POTEC: variants seen among roughly 807,000 people sequenced by gnomAD.
POTEC encodes the protein ANKRD26-like family B member 2.
POTEC carries 35 observed loss-of-function variants against 62.0 expected under a neutral mutation model. The ratio of observed to expected loss-of-function variants is 0.56; its 90% CI spans 0.43 to 0.75. The LOEUF is 0.75. POTEC is among the 30% of genes least tolerant of loss of function. The pLI is 0.00. For synonymous variants in POTEC, 156 were observed against 221.5 expected (o/e 0.70, Z 2.62); for missense variants, 472 against 655.9 (o/e 0.72, Z 3.06).
In POTEC at chr18:14,523,454, A is replaced by C; in HGVS notation, c.1242+9T>G. 6.4e-7 allele frequency: 1 copy of C among 1,566,494 alleles called. No individual in the cohort carries two copies. Among genetic ancestry groups the C allele is most frequent in the Non-Finnish European group, 8.6e-7 (1 of 1,156,150 alleles). ...AATTCAACAGAAACATTTGAACATAAAGGTATACCTCTCTATCACAGTCCT... is the reference window on the plus strand; with the variant it reads ...AATTCAACAGAAACATTTGAACATACAGGTATACCTCTCTATCACAGTCCT... On this transcript the variant is annotated intron_variant, in intron 8 of 10. Transcript: ENST00000358970.
chr18:14,540,237 T>A (rs1387507723), intron 1 of POTEC, among the ~76,000 whole-genome samples: 1 of 152,126 alleles, frequency 6.6e-6, no homozygotes, highest in Non-Finnish European at 1.5e-5. Flanking sequence ...AAGATAGCCA[T>A]CCACAGGTAT....
At chr18:14,513,834 G>T in intron 9 of POTEC, 49 bp from the exon 10 acceptor site, 1 of 1,600,176 alleles carries the variant, frequency 6.2e-7, no homozygotes. Context: ...TCCCTAAAAT[G>T]ATCTACAGGG....
rs762574836 is a variant in POTEC at position 14,543,056 on chromosome 18, G to T, written c.91C>A (p.Arg31Ser). 6.2e-7 allele frequency: 1 copy of T among 1,605,516 alleles called. No homozygotes were observed. ...RSKMGKWFHH[R>S]FPCCKGSGKS... Reference sequence around the variant, plus strand: ...CCGCTCCCCTTGCAGCAGGGGAAGCGGTGGTGAAACCACTTGCCCATCTTG... The same window carrying T: ...CCGCTCCCCTTGCAGCAGGGGAAGCTGTGGTGAAACCACTTGCCCATCTTG... The change falls in exon 1 of 11, where the codon CGC (arginine) becomes AGC (serine). Residue 31 changes from arginine (R) to serine (S), a missense_variant. Physicochemically the swap from Arg to Ser is moderately radical, Grantham distance 110. Coordinates refer to ENST00000358970, the MANE Select transcript of POTEC (RefSeq NM_001137671.2).
At chr18:14,514,039 A>G (rs28580767) in intron 9 of POTEC, among the ~76,000 whole-genome samples, 1 of 150,722 alleles carries the variant, frequency 6.6e-6, no homozygotes, top group South Asian at 2.1e-4. Flanking sequence ...CATTACATAC[A>G]TTGTGCACTT....
At position 14,510,736 on chromosome 18, in the gene POTEC, G is replaced by C. The variant is rs1329840462; in HGVS notation, c.*1162C>G. ...TGCCTAGTAAGGAGGAACAGGAATA[G>C]GGACTTGTTTAAAAAAGAAGTCTGG... is the stretch of plus-strand genomic sequence containing the variant. On this transcript the variant is annotated 3_prime_UTR_variant, in exon 11 of 11. Transcript: ENST00000358970. 6.6e-6 allele frequency: 1 copy of C among 152,186 alleles called. No homozygotes were observed. Among genetic ancestry groups the C allele is most frequent in the Non-Finnish European group, 1.5e-5 (1 of 68,060 alleles). 9.4% of individuals were successfully genotyped at this position (152,186 alleles called of 1,614,324 possible). A position where few individuals can be genotyped will look rare whatever the true frequency, so the allele number is the denominator to read the frequency against.
At chr18:14,519,969 C>T (rs1301890493) in intron 9 of POTEC, among the ~76,000 whole-genome samples, 1 of 151,940 alleles carries the variant, frequency 6.6e-6, no homozygotes, top group Admixed American at 6.6e-5. Context: ...AGAAAAGTGC[C>T]TAGATTTATT....
At chr18:14,537,216 A>AAAAAC (rs1905766007) in intron 3 of POTEC, among the ~76,000 whole-genome samples, 1 of 96,902 alleles carries the variant, frequency 1.0e-5, no homozygotes, top group African/African-American at 3.5e-5. Context: ...CACACAAAAA[A>AAAAAC]AAAAAAAAAC....
intron 5 of POTEC, among the ~76,000 whole-genome samples, chr18:14,531,239 G>C (rs1905504004): frequency 6.6e-6 from 1 of 151,184 alleles, no homozygotes; most frequent in African/African-American, 2.4e-5. Flanking sequence ...AGTAGATAAT[G>C]TGATTGTCCA....
intron 8 of POTEC, 103 bp from the exon 9 acceptor site, chr18:14,522,523 C>G (rs1226855636): frequency 3.3e-6 from 5 of 1,523,514 alleles, no homozygotes; most frequent in Non-Finnish European, 3.5e-6. Context: ...TTATTTTAGT[C>G]ATTAAAAATA....
At chr18:14,542,478 G>C in intron 1 of POTEC, 148 bp downstream of exon 1, 1 of 1,259,432 alleles carries the variant, frequency 7.9e-7, no homozygotes, top group Non-Finnish European at 1.1e-6. Flanking sequence ...AAAGGGACCT[G>C]GGCCCTGACC....
At chr18:14,538,936 A>T (rs1905840547) in intron 1 of POTEC, among the ~76,000 whole-genome samples, 1 of 152,192 alleles carries the variant, frequency 6.6e-6, no homozygotes, top group African/African-American at 2.4e-5. Flanking sequence ...CCTTACATTA[A>T]GTAGAATATG....
chr18:14,530,048 C>G (rs185517518), intron 6 of POTEC, among the ~76,000 whole-genome samples: 8 of 151,914 alleles, frequency 5.3e-5, no homozygotes, highest in African/African-American at 1.9e-4. Flanking sequence ...TACGGCCACA[C>G]CCCATGGCTC....
In POTEC at chr18:14,542,739, A is replaced by G. The variant is rs757085058; in HGVS notation, c.408T>C (p.Arg136=). The change falls in exon 1 of 11, where the codon CGT becomes CGC. Residue 136 remains arginine (R), a synonymous_variant. Coordinates refer to ENST00000358970, the MANE Select transcript of POTEC (RefSeq NM_001137671.2). ...TGTGGAGCTTGTCCAGATCTTCTCG[A>G]CGGACGTGGTACCTCGGCTCCATGA... ...SAFMEPRYHV[R]REDLDKLHRA... The G allele has an allele frequency of 2.5e-6, 4 of 1,613,338 alleles. No homozygotes were observed. Among genetic ancestry groups the G allele is most frequent in the Non-Finnish European group, 1.7e-6 (2 of 1,179,876 alleles).
intron 9 of POTEC, among the ~76,000 whole-genome samples, chr18:14,518,475 C>T (rs1386378819): frequency 1.3e-5 from 2 of 150,852 alleles, no homozygotes; most frequent in Admixed American, 1.3e-4. Flanking sequence ...AGGTTAACAG[C>T]GTTGATGTCA....
At chr18:14,529,754 T>C (rs1212426695) in intron 6 of POTEC, among the ~76,000 whole-genome samples, 2 of 152,194 alleles carry the variant, frequency 1.3e-5, no homozygotes, top group South Asian at 2.1e-4. Flanking sequence ...ACACATCTTG[T>C]TCCAACAAAG....
chr18:14,530,580 A>C, intron 5 of POTEC, 27 bp from the exon 6 acceptor site: 1 of 1,483,904 alleles, frequency 6.7e-7, no homozygotes, highest in Non-Finnish European at 9.1e-7. Flanking sequence ...AATAAACCAA[A>C]TTACTATTTT....
At chr18:14,535,914 T>C (rs1905697126) in intron 3 of POTEC, among the ~76,000 whole-genome samples, 1 of 152,012 alleles carries the variant, frequency 6.6e-6, no homozygotes, top group African/African-American at 2.4e-5. Context: ...GAAAAGCTAT[T>C]ATTCTGTAAG....
intron 9 of POTEC, among the ~76,000 whole-genome samples, chr18:14,514,026 G>A (rs543458157): frequency 3.3e-5 from 5 of 151,070 alleles, no homozygotes; most frequent in African/African-American, 1.2e-4. Context: ...GATGATTCAA[G>A]CACATTACAT....
chr18:14,540,499 T>C (rs1905895684), intron 1 of POTEC, among the ~76,000 whole-genome samples: 1 of 152,124 alleles, frequency 6.6e-6, no homozygotes, highest in Admixed American at 6.5e-5. Flanking sequence ...AACAAACTGA[T>C]TTTTTCTCAC....
Sources: gnomAD v4.1 joint callset for allele counts (sites outside exome capture counted in the v4.1 genomes callset) on GRCh38, gnomAD v4.1.1 for gene constraint, MANE v1.5 for transcripts, NCBI Gene and HGNC (gene_info 2026-07-23, HGNC 2026-07-21) for gene names.